Variants in MEGF6 observed in about 807,000 individuals in gnomAD.
MEGF6 encodes the protein multiple EGF like domains 6.
In MEGF6, 184 loss-of-function variants were observed where a neutral mutation model predicts 207.1. The ratio of observed to expected loss-of-function variants is 0.89; its 90% confidence interval spans 0.79 to 1.00. The LOEUF (loss-of-function observed/expected upper bound fraction) is 1.00, where lower values mean the gene tolerates loss of function less well. Among genes scored for constraint, MEGF6 ranks in the 50% least tolerant of loss-of-function variants. MEGF6 has a pLI of 0.00. For missense variants in MEGF6, 2,282 were observed against 2,202.9 expected (o/e 1.04, Z -0.72); for synonymous variants, 1,038 against 910.0 (o/e 1.14, Z -2.53).
intron 4 of MEGF6, among the ~76,000 whole-genome samples, chr1:3,567,510 C>A (rs1434727043): frequency 2.6e-5 from 4 of 151,722 alleles, no homozygotes; most frequent in Admixed American, 2.0e-4. Flanking sequence ...ATCCCTCCTG[C>A]ACCCCCAGCA....
chr1:3,550,324 G>A (rs899324984), intron 4 of MEGF6, among the ~76,000 whole-genome samples: 4 of 152,232 alleles, frequency 2.6e-5, no homozygotes, highest in Non-Finnish European at 5.9e-5. Flanking sequence ...ACGACAGCGA[G>A]GAGGAACCTC....
At chr1:3,504,499 C>T (rs1351590306) in intron 17 of MEGF6, among the ~76,000 whole-genome samples, 1 of 152,028 alleles carries the variant, frequency 6.6e-6, no homozygotes, top group African/African-American at 2.4e-5. Context: ...GCACCTCCCG[C>T]CAGTGCAAGC....
intron 4 of MEGF6, among the ~76,000 whole-genome samples, chr1:3,548,296 T>C (rs915335263): frequency 1.3e-5 from 2 of 152,160 alleles, no homozygotes; most frequent in African/African-American, 4.8e-5. Context: ...CATTTCTCTC[T>C]GCACCTCCTC....
intron 4 of MEGF6, among the ~76,000 whole-genome samples, chr1:3,543,096 C>G (rs1417507926): frequency 6.6e-6 from 1 of 152,226 alleles, no homozygotes; most frequent in Non-Finnish European, 1.5e-5. Context: ...CCCAGCCCAG[C>G]AGAGCAGAGC....
intron 7 of MEGF6, among the ~76,000 whole-genome samples, chr1:3,512,956 C>T (rs750375784): frequency 9.9e-5 from 15 of 152,172 alleles, no homozygotes; most frequent in African/African-American, 3.4e-4. Context: ...AACACCCAGA[C>T]GTGCAGGGAC....
chr1:3,602,887 C>T (rs572893966), intron 1 of MEGF6, among the ~76,000 whole-genome samples: 7 of 152,342 alleles, frequency 4.6e-5, no homozygotes, highest in African/African-American at 1.2e-4. Context: ...CCACCAACGA[C>T]GCTGCCTCAA....
At chr1:3,515,747 C>G (rs1187065735) in intron 5 of MEGF6, among the ~76,000 whole-genome samples, 1 of 152,248 alleles carries the variant, frequency 6.6e-6, no homozygotes, top group Non-Finnish European at 1.5e-5. Context: ...CTACAGGATC[C>G]TCAGGCCTGT....
chr1:3,576,585 G>A (rs1453106236), intron 4 of MEGF6, among the ~76,000 whole-genome samples: 3 of 152,092 alleles, frequency 2.0e-5, no homozygotes, highest in African/African-American at 7.2e-5. Context: ...GATGGTGAGA[G>A]GTCTAGGTGG....
At position 3,500,569 on chromosome 1, in the gene MEGF6, G is replaced by C. The variant is rs1640814143; in HGVS notation, c.2707+64C>G. ...GGTCAAAGGCTTTGTGTGTGTGCAC[G>C]TGTGCATATGTGTGCGTGTGCGCAC... On this transcript the variant is annotated intron_variant, in intron 21 of 36. Coordinates refer to ENST00000356575, the MANE Select transcript of MEGF6 (RefSeq NM_001409.4). 2.0e-6 allele frequency: 3 copies of C among 1,494,210 alleles called. No homozygotes were observed. The African/African-American group carries it at 4.2e-5, about 21-fold the overall frequency. 92.6% of individuals were successfully genotyped at this position (1,494,210 alleles called of 1,614,324 possible). A position where few individuals can be genotyped will look rare whatever the true frequency, so the allele number is the denominator to read the frequency against.
chr1:3,564,785 T>C (rs12756207), intron 4 of MEGF6, among the ~76,000 whole-genome samples: 85,680 of 151,926 alleles, frequency 0.56, 25,191 homozygotes, highest in African/African-American at 0.73. Context: ...CCCCCAAAGC[T>C]GGGGACGGGC....
chr1:3,576,882 C>T, intron 4 of MEGF6, among the ~76,000 whole-genome samples: 1 of 149,374 alleles, frequency 6.7e-6, no homozygotes, highest in African/African-American at 2.5e-5. Context: ...CCCCCGCACA[C>T]CTGGCCCTGC....
rs372189866 is a variant in MEGF6 at position 3,607,846 on chromosome 1, C to T, written c.131+3292G>A. ...GCTCCCGAGCAGAGCCGGGGCTCCA[C>T]GGGCAAGAGATGGGCGGGCATGCTG... On this transcript the variant is annotated intron_variant, in intron 1 of 36. Coordinates refer to ENST00000356575, the MANE Select transcript of MEGF6 (RefSeq NM_001409.4). 4.1e-4 allele frequency among the ~76,000 whole-genome samples: 63 copies of T among 152,346 alleles called. No individual in the cohort carries two copies. The East Asian group carries it at 0.011, about 26-fold the overall frequency.
At chr1:3,510,214 GGCCA>G (rs1187831155) in intron 10 of MEGF6, among the ~76,000 whole-genome samples, 1 of 152,088 alleles carries the variant, frequency 6.6e-6, no homozygotes, top group Non-Finnish European at 1.5e-5. Flanking sequence ...TGCTAGGGGG[GGCCA>G]GGCTGGGAGG....
intron 4 of MEGF6, among the ~76,000 whole-genome samples, chr1:3,524,739 T>A (rs1641896649): frequency 6.6e-6 from 1 of 152,184 alleles, no homozygotes. Context: ...CATGGCCATC[T>A]GGAGCCTTCC....
chr1:3,561,647 G>A (rs1023905989), intron 4 of MEGF6, among the ~76,000 whole-genome samples: 11 of 152,296 alleles, frequency 7.2e-5, no homozygotes, highest in African/African-American at 2.2e-4. Flanking sequence ...GACAAAGACC[G>A]TTCCCGCCCG....
chr1:3,531,158 G>A (rs749251784), intron 4 of MEGF6: 20 of 1,525,808 alleles, frequency 1.3e-5, no homozygotes, highest in African/African-American at 7.2e-5. Context: ...CAGAGGTAGC[G>A]GTAGTGCGTG....
In MEGF6 at chr1:3,545,449, G is replaced by A. The variant is rs187028363; in HGVS notation, c.482-21203C>T. On this transcript the variant is annotated intron_variant, in intron 4 of 36. Coordinates refer to ENST00000356575, the MANE Select transcript of MEGF6 (RefSeq NM_001409.4). ...CCTGGGACAGGCTCCTCGGTGGGTC[G>A]GAACCTCCAGCTCCAACGTGTGGAG... is the stretch of plus-strand genomic sequence containing the variant. Among the ~76,000 whole-genome samples the A allele has an allele frequency of 8.5e-5, 13 of 152,252 alleles. No individual in the cohort carries two copies. The South Asian group carries it at 1.7e-3, about 19-fold the overall frequency.
At chr1:3,617,067 G>A in the MEGF6 span, among the ~76,000 whole-genome samples, 171 of 151,956 alleles carry the variant, frequency 1.1e-3, no homozygotes, top group African/African-American at 4.0e-3. Flanking sequence ...CCCTGCTCCC[G>A]CCATCCCTCC....
chr1:3,616,827 C>T, the MEGF6 span, among the ~76,000 whole-genome samples: 3 of 152,202 alleles, frequency 2.0e-5, no homozygotes, highest in African/African-American at 2.4e-5. Flanking sequence ...GCAGATGGCC[C>T]GGTCAGAACC....
Sources: allele counts gnomAD v4.1 joint callset (sites outside exome capture counted in the v4.1 genomes callset), GRCh38; gene constraint gnomAD v4.1.1; transcripts MANE v1.5; gene names NCBI Gene and HGNC (gene_info 2026-07-23, HGNC 2026-07-21).